The following THSD7B variants were observed in gnomAD, a reference collection of about 807,000 sequenced individuals.
The protein encoded by THSD7B is thrombospondin type 1 domain containing 7B.
Under a neutral mutation model 213.6 loss-of-function variants are expected in THSD7B, and 138 were observed. The ratio of observed to expected loss-of-function variants is 0.65; its 90% CI spans 0.56 to 0.74. The LOEUF (loss-of-function observed/expected upper bound fraction) is 0.74. Among genes scored for constraint, THSD7B ranks in the 30% least tolerant of loss-of-function variants. THSD7B has a pLI of 0.00. For missense variants in THSD7B, 1,931 were observed against 1,991.5 expected (o/e 0.97, Z 0.58); for synonymous variants, 742 against 687.0 (o/e 1.08, Z -1.25).
intron 3 of THSD7B, among the ~76,000 whole-genome samples, chr2:137,076,868 A>G (rs1687636418): frequency 6.6e-6 from 1 of 152,004 alleles, no homozygotes; most frequent in South Asian, 2.1e-4. Flanking sequence ...GTACATGTGC[A>G]CAATGTGCAT....
intron 12 of THSD7B, among the ~76,000 whole-genome samples, chr2:137,348,994 A>G (rs1043032518): frequency 5.9e-5 from 9 of 151,620 alleles, no homozygotes; most frequent in African/African-American, 1.7e-4. Context: ...GCCATCTAAA[A>G]TGTTGATTTT....
chr2:137,154,483 AG>A (rs1047449650), intron 5 of THSD7B, among the ~76,000 whole-genome samples: 25 of 152,286 alleles, frequency 1.6e-4, no homozygotes, highest in African/African-American at 5.5e-4. Context: ...TAAACTAAAG[AG>A]GGATACATGG....
chr2:137,324,537 G>A (rs1295686256), intron 12 of THSD7B, among the ~76,000 whole-genome samples: 1 of 151,994 alleles, frequency 6.6e-6, no homozygotes, highest in Non-Finnish European at 1.5e-5. Flanking sequence ...AACCTCTGTA[G>A]TTCCTAACCT....
chr2:136,902,128 C>T (rs1179904380), intron 2 of THSD7B, among the ~76,000 whole-genome samples: 1 of 151,510 alleles, frequency 6.6e-6, no homozygotes, highest in Non-Finnish European at 1.5e-5. Flanking sequence ...GCCACTTAAT[C>T]TACACTTAAG....
intron 2 of THSD7B, among the ~76,000 whole-genome samples, chr2:136,886,384 A>G (rs369055945): frequency 1.3e-5 from 2 of 152,052 alleles, no homozygotes; most frequent in East Asian, 3.9e-4. Context: ...AATTAAAGGG[A>G]AGAGCCATGG....
intron 10 of THSD7B, among the ~76,000 whole-genome samples, chr2:137,261,563 G>A (rs755402702): frequency 2.0e-4 from 30 of 152,000 alleles, no homozygotes; most frequent in Non-Finnish European, 3.5e-4. Context: ...CTAAAAAGTC[G>A]CATTATTTCA....
At chr2:136,858,741 T>C (rs1161690414) in intron 1 of THSD7B, among the ~76,000 whole-genome samples, 1 of 152,194 alleles carries the variant, frequency 6.6e-6, no homozygotes, top group East Asian at 1.9e-4. Flanking sequence ...GGTACTCTTT[T>C]CCCTCCCATT....
chr2:137,590,511 A>G (rs1558851869), intron 17 of THSD7B, among the ~76,000 whole-genome samples: 2 of 152,068 alleles, frequency 1.3e-5, no homozygotes, highest in African/African-American at 4.8e-5. Context: ...CGCAATGAGT[A>G]TTTGTGTATG....
At chr2:136,906,936 GTTTTTT>G (rs57887270) in intron 2 of THSD7B, among the ~76,000 whole-genome samples, 3 of 55,128 alleles carry the variant, frequency 5.4e-5, no homozygotes, top group African/African-American at 8.9e-5. Context: ...ACATTTCAAG[GTTTTTT>G]TTTTTTTTTT....
chr2:136,940,726 TA>T (rs1553459496), intron 2 of THSD7B, among the ~76,000 whole-genome samples: 1 of 42,224 alleles, frequency 2.4e-5, no homozygotes. Context: ...TATATATATA[TA>T]ATATATATAT....
At chr2:137,285,214 G>A (rs989060745) in intron 12 of THSD7B, among the ~76,000 whole-genome samples, 1 of 152,006 alleles carries the variant, frequency 6.6e-6, no homozygotes, top group Non-Finnish European at 1.5e-5. Context: ...CAGAGACTAG[G>A]ATTGCAACCC....
At chr2:137,137,809 A>G (rs1679496170) in intron 5 of THSD7B, among the ~76,000 whole-genome samples, 2 of 152,076 alleles carry the variant, frequency 1.3e-5, no homozygotes, top group Admixed American at 1.3e-4. Flanking sequence ...ATTCCATTGT[A>G]TGAATATGGC....
At chr2:137,656,118 G>T (rs967552203) in intron 22 of THSD7B, among the ~76,000 whole-genome samples, 7 of 152,124 alleles carry the variant, frequency 4.6e-5, no homozygotes, top group African/African-American at 1.7e-4. Flanking sequence ...ATATAAATGT[G>T]AAGTTCTATA....
intron 1 of THSD7B, among the ~76,000 whole-genome samples, chr2:136,809,799 G>A (rs1392960892): frequency 6.6e-6 from 1 of 152,160 alleles, no homozygotes; most frequent in Non-Finnish European, 1.5e-5. Flanking sequence ...CAGTCTGGGT[G>A]AAAGATTCTG....
At chr2:137,245,839 T>A (rs1682019626) in intron 10 of THSD7B, among the ~76,000 whole-genome samples, 1 of 152,144 alleles carries the variant, frequency 6.6e-6, no homozygotes, top group Non-Finnish European at 1.5e-5. Flanking sequence ...TTTTGGGAAA[T>A]GGTGTCCTAA....
intron 1 of THSD7B, among the ~76,000 whole-genome samples, chr2:136,840,582 T>C (rs1164383126): frequency 2.6e-5 from 4 of 152,004 alleles, no homozygotes; most frequent in Non-Finnish European, 4.4e-5. Flanking sequence ...CATTGGAAGT[T>C]CGAAGGATTG....
At chr2:137,036,283 G>C (rs1686773560) in intron 2 of THSD7B, among the ~76,000 whole-genome samples, 1 of 152,072 alleles carries the variant, frequency 6.6e-6, no homozygotes, top group South Asian at 2.1e-4. Flanking sequence ...ATATACAAAT[G>C]TCCACAGAGC....
At chr2:137,561,895 A>G (rs1681126952) in intron 15 of THSD7B, among the ~76,000 whole-genome samples, 1 of 151,786 alleles carries the variant, frequency 6.6e-6, no homozygotes, top group Admixed American at 6.6e-5. Context: ...CCCATCTTTC[A>G]TTTTGTCCTC....
chr2:137,509,493 G>A (rs1230383696), intron 15 of THSD7B, among the ~76,000 whole-genome samples: 1 of 151,408 alleles, frequency 6.6e-6, no homozygotes, highest in Non-Finnish European at 1.5e-5. Flanking sequence ...CTTTGGATTG[G>A]GTATTGATCT....
Sources: allele counts gnomAD v4.1 joint callset (sites outside exome capture counted in the v4.1 genomes callset), GRCh38; gene constraint gnomAD v4.1.1; transcripts MANE v1.5; gene names NCBI Gene and HGNC (gene_info 2026-07-23, HGNC 2026-07-21).